DPH6: variants seen among roughly 807,000 people sequenced by gnomAD.
DPH6 encodes diphthamine biosynthesis 6.
Under a neutral mutation model 38.2 loss-of-function variants are expected in DPH6, and 33 were observed. That is an observed-to-expected ratio of 0.86 (90% CI 0.65 to 1.15). The LOEUF is 1.15. Ranked by LOEUF, DPH6 falls within the 50% of genes most tolerant of loss-of-function variation. The pLI, the probability that DPH6 is intolerant of heterozygous loss-of-function variation, is 0.00. For synonymous variants in DPH6, 108 were observed against 103.0 expected (o/e 1.05, Z -0.30); for missense variants, 325 against 320.0 (o/e 1.02, Z -0.12).
the DPH6 span, among the ~76,000 whole-genome samples, chr15:35,145,427 C>T: frequency 1.3e-5 from 2 of 152,178 alleles, no homozygotes; most frequent in Admixed American, 1.3e-4. Flanking sequence ...GACAATTATT[C>T]TTCATTAGAG....
At chr15:35,542,944 G>A (rs1359752953) in intron 1 of DPH6, among the ~76,000 whole-genome samples, 24 of 8,914 alleles carry the variant, frequency 2.7e-3, no homozygotes, top group East Asian at 9.3e-3. Context: ...TCCACTTAAG[G>A]AATATATATA....
chr15:35,349,465 C>A (rs1397812873), intron 3 of DPH6, among the ~76,000 whole-genome samples: 1 of 152,032 alleles, frequency 6.6e-6, no homozygotes, highest in African/African-American at 2.4e-5. Flanking sequence ...GACAAGGTCT[C>A]CCCCTCTGTC....
intron 3 of DPH6, among the ~76,000 whole-genome samples, chr15:35,228,363 C>T (rs1227806736): frequency 6.6e-6 from 1 of 152,188 alleles, no homozygotes; most frequent in Non-Finnish European, 1.5e-5. Flanking sequence ...GTAGTTTATA[C>T]ACTACAGTTA....
intron 3 of DPH6, chr15:35,522,207 T>C: frequency 6.2e-7 from 1 of 1,613,364 alleles, no homozygotes; most frequent in Non-Finnish European, 8.5e-7. Flanking sequence ...GGCTGCCCAC[T>C]TTCAAATGCA....
chr15:35,188,483 T>A, the DPH6 span, among the ~76,000 whole-genome samples: 2 of 151,956 alleles, frequency 1.3e-5, no homozygotes, highest in Non-Finnish European at 1.5e-5. Flanking sequence ...AAGTCAGAGG[T>A]CAAACAGTAC....
At chr15:35,343,812 C>A (rs1218003182) in intron 3 of DPH6, among the ~76,000 whole-genome samples, 2 of 151,748 alleles carry the variant, frequency 1.3e-5, no homozygotes, top group African/African-American at 4.8e-5. Context: ...AAAAATATGC[C>A]AAACAAGGCC....
intron 3 of DPH6, among the ~76,000 whole-genome samples, chr15:35,531,336 C>T (rs1354171510): frequency 1.3e-5 from 2 of 152,158 alleles, no homozygotes; most frequent in Non-Finnish European, 2.9e-5. Flanking sequence ...TGATAGGATG[C>T]CTTATTTTGA....
chr15:35,303,226 T>C (rs1210075435), intron 3 of DPH6, among the ~76,000 whole-genome samples: 2 of 152,080 alleles, frequency 1.3e-5, no homozygotes, highest in Non-Finnish European at 2.9e-5. Context: ...CTTCCTTCCT[T>C]CCATCTTTAA....
At chr15:35,149,478 T>A in the DPH6 span, among the ~76,000 whole-genome samples, 1 of 152,090 alleles carries the variant, frequency 6.6e-6, no homozygotes, top group Non-Finnish European at 1.5e-5. Context: ...ACCTCGTGAT[T>A]CGCCTGCCTC....
rs143819248 is a variant in DPH6 at position 35,414,367 on chromosome 15, C to T, written c.506-3471G>A. 1.3e-3 allele frequency among the ~76,000 whole-genome samples: 201 copies of T among 151,786 alleles called. 1 individual carries two copies. The highest frequency in any genetic ancestry group is 4.7e-3 in the African/African-American group (196 of 41,474). On this transcript the variant is annotated intron_variant, in intron 5 of 8. Coordinates refer to ENST00000256538, the MANE Select transcript of DPH6 (RefSeq NM_080650.4). Reference sequence around the variant, plus strand: ...TGATAGTGGCTCCCATATAAGGAATCTTTATTTTCTATATGCTAGATTGTA... The same window carrying T: ...TGATAGTGGCTCCCATATAAGGAATTTTTATTTTCTATATGCTAGATTGTA...
intron 3 of DPH6, among the ~76,000 whole-genome samples, chr15:35,469,910 T>A (rs1180797634): frequency 6.6e-6 from 1 of 151,970 alleles, no homozygotes; most frequent in Non-Finnish European, 1.5e-5. Context: ...AAAAGAAAAC[T>A]AGGCCAGGCA....
downstream of DPH6, among the ~76,000 whole-genome samples, chr15:35,214,028 C>T (rs1316010262): frequency 1.3e-5 from 2 of 151,470 alleles, no homozygotes; most frequent in Non-Finnish European, 2.9e-5. Context: ...AGGAGAATGG[C>T]GTGAACCCGC....
the DPH6 span, among the ~76,000 whole-genome samples, chr15:35,205,962 C>T: frequency 1.3e-5 from 2 of 152,030 alleles, no homozygotes; most frequent in African/African-American, 2.4e-5. Context: ...AATAGCAAGC[C>T]ACCTTGAGGT....
At chr15:35,186,638 T>C in the DPH6 span, among the ~76,000 whole-genome samples, 1 of 152,252 alleles carries the variant, frequency 6.6e-6, no homozygotes, top group African/African-American at 2.4e-5. Context: ...AACATGAATA[T>C]GCTAGCTGCA....
At chr15:35,283,956 T>C (rs1293686802) in intron 3 of DPH6, among the ~76,000 whole-genome samples, 2 of 152,226 alleles carry the variant, frequency 1.3e-5, no homozygotes, top group Non-Finnish European at 2.9e-5. Flanking sequence ...TTTGCTGTAG[T>C]AATTTGAGAT....
the DPH6 span, chr15:35,169,599 G>A: frequency 6.6e-6 from 1 of 152,100 alleles, no homozygotes; most frequent in South Asian, 2.1e-4. Context: ...CACTGAACCA[G>A]AACTCATATA....
chr15:35,433,953 G>A lies in DPH6; in HGVS notation c.505+16732C>T, dbSNP rs555632561. 3.3e-5 allele frequency among the ~76,000 whole-genome samples: 5 copies of A among 152,308 alleles called. No homozygotes were observed. The East Asian group carries it at 7.7e-4, about 23-fold the overall frequency. Reference sequence around the variant, plus strand: ...GAAGAGAAAAGAGAAGGGAGGTAGAGATATCTTTATGTGGTTGTGACATTC... The same window carrying A: ...GAAGAGAAAAGAGAAGGGAGGTAGAAATATCTTTATGTGGTTGTGACATTC... On this transcript the variant is annotated intron_variant, in intron 5 of 8. Transcript: ENST00000256538.
the DPH6 span, among the ~76,000 whole-genome samples, chr15:35,158,238 T>C: frequency 6.6e-6 from 1 of 152,004 alleles, no homozygotes; most frequent in South Asian, 2.1e-4. Flanking sequence ...AAGTGTGAGA[T>C]TAAAAGGCTA....
intron 7 of DPH6, among the ~76,000 whole-genome samples, chr15:35,376,173 T>C (rs1485929871): frequency 6.6e-6 from 1 of 152,154 alleles, no homozygotes; most frequent in Non-Finnish European, 1.5e-5. Context: ...ACCAGTTTTG[T>C]TCATCTTTGT....
Sources: allele counts gnomAD v4.1 joint callset (sites outside exome capture counted in the v4.1 genomes callset), GRCh38; gene constraint gnomAD v4.1.1; transcripts MANE v1.5; gene names NCBI Gene and HGNC (gene_info 2026-07-23, HGNC 2026-07-21).